The following KASH5 variants were observed in gnomAD, a reference collection of about 807,000 sequenced individuals.
KASH5 encodes KASH domain containing 5, also known as protein KASH5.
KASH5 carries 72 observed loss-of-function variants against 84.2 expected under a neutral mutation model. The observed-to-expected ratio is 0.85, with a 90% CI of 0.71 to 1.04. KASH5 has a LOEUF of 1.04. KASH5 is among the 50% of genes least tolerant of loss of function. The pLI is 0.00. For missense variants in KASH5, 650 were observed against 701.0 expected (o/e 0.93, Z 0.82); for synonymous variants, 260 against 279.1 (o/e 0.93, Z 0.68).
rs1349948567 is a variant in KASH5, at chr19:49,395,897, A to G, written c.400+64A>G. On this transcript the variant is annotated intron_variant, in intron 5 of 19. Coordinates refer to ENST00000447857, the MANE Select transcript of KASH5 (RefSeq NM_144688.5). This position sits in a 1 kb window ranked among gnomAD's most constrained non-coding sequence, Gnocchi z 4.4. ...GGGTCAGACAGTGTGGGGACTTACCACCCAGGGCAGAGCAAGGGATAGGGT... is the reference window on the plus strand; with the variant it reads ...GGGTCAGACAGTGTGGGGACTTACCGCCCAGGGCAGAGCAAGGGATAGGGT... 3 of 1,390,970 alleles carry G rather than the reference A, an allele frequency of 2.2e-6. No homozygotes were observed. The highest frequency in any genetic ancestry group is 2.0e-5 in the Admixed American group (1 of 50,648). 86.2% of individuals were successfully genotyped at this position (1,390,970 alleles called of 1,614,324 possible). A position where few individuals can be genotyped will look rare whatever the true frequency, so the allele number is the denominator to read the frequency against.
Position 49,399,652 on chromosome 19 carries a change from T to C in KASH5, c.798+145T>C. On this transcript the variant is annotated intron_variant, in intron 9 of 19. Transcript: ENST00000447857. The surrounding 1 kb of genome is among the most constrained non-coding windows in gnomAD (Gnocchi z 4.4). Reference sequence around the variant, plus strand: ...TAGTGTGGGAATGTCCCTGAGGTTATATCACACTGTGAGAACAGCCGTGGT... The same window carrying C: ...TAGTGTGGGAATGTCCCTGAGGTTACATCACACTGTGAGAACAGCCGTGGT... The C allele has an allele frequency of 6.6e-7, 1 of 1,508,050 alleles. No homozygotes were observed. The highest frequency in any genetic ancestry group is 8.9e-7 in the Non-Finnish European group (1 of 1,124,838). The allele number at this position is 1,508,050 out of a possible 1,614,324, so 93.4% of individuals were successfully genotyped here.
At position 49,413,032 on chromosome 19, in the gene KASH5, G is replaced by T; in HGVS notation, c.1328+6G>T. ...AGGAAGGAGCCATCCATGTGGTAAGGAGCTGAGCCATCCGTCTGCCTCAGG... is the reference window on the plus strand; with the variant it reads ...AGGAAGGAGCCATCCATGTGGTAAGTAGCTGAGCCATCCGTCTGCCTCAGG... On this transcript the variant is annotated splice_donor_region_variant and intron_variant, in intron 16 of 19. Coordinates refer to ENST00000447857, the MANE Select transcript of KASH5 (RefSeq NM_144688.5). 6.2e-7 allele frequency: 1 copy of T among 1,611,884 alleles called. No individual in the cohort carries two copies.
At chr19:49,397,520 C>A in intron 5 of KASH5, 131 bp from the exon 6 acceptor site, 2 of 779,712 alleles carry the variant, frequency 2.6e-6, no homozygotes, top group African/African-American at 1.7e-5. Context: ...AACTGCAGCC[C>A]CAAAAGCCCA....
In KASH5 at chr19:49,409,734, G is replaced by A. The variant is rs757184832; in HGVS notation, c.1147-19G>A. The A allele has an allele frequency of 3.7e-6, 6 of 1,613,700 alleles. No individual in the cohort carries two copies. In the South Asian group the frequency reaches 6.6e-5, roughly 18 times the overall value. ...CTTAATATGGCTCTCCCTGACCTCG[G>A]AAACAACTTCTGTCCCAGAAACAGG... On this transcript the variant is annotated intron_variant, in intron 14 of 19. Coordinates refer to ENST00000447857, the MANE Select transcript of KASH5 (RefSeq NM_144688.5).
At chr19:49,410,933 T>A (rs1048335305) in intron 15 of KASH5, among the ~76,000 whole-genome samples, 6 of 151,552 alleles carry the variant, frequency 4.0e-5, no homozygotes, top group South Asian at 2.1e-4. Flanking sequence ...TTTTTTTTTT[T>A]AATTAATTAA....
rs1466465557 is a variant in KASH5, at chr19:49,399,547, T to G, written c.798+40T>G. On this transcript the variant is annotated intron_variant, in intron 9 of 19. Coordinates refer to ENST00000447857, the MANE Select transcript of KASH5 (RefSeq NM_144688.5). The surrounding 1 kb of genome is among the most constrained non-coding windows in gnomAD (Gnocchi z 4.4). ...AGCACCACCCCCACCCCTTCCCCAG[T>G]CCTTAAGGTCTTCTTGACACCACTC... The G allele has an allele frequency of 6.3e-7, 1 of 1,579,152 alleles. No homozygotes were observed. The highest frequency in any genetic ancestry group is 2.3e-5 in the East Asian group (1 of 43,306).
At chr19:49,398,456 GCCTCTGGGCTCTAGCGAGCCTCCCA>G (rs1286364417) in intron 7 of KASH5, among the ~76,000 whole-genome samples, 1 of 149,810 alleles carries the variant, frequency 6.7e-6, no homozygotes, top group African/African-American at 2.5e-5. Context: ...TGTACCCTCC[GCCTCTGGGCTCTAGCGAGCCTCCCA>G]CCTCAGCTTC....
Position 49,405,449 on chromosome 19 carries a change from C to G in KASH5, c.799-1437C>G, listed in dbSNP as rs552783904. Among the ~76,000 whole-genome samples the G allele has an allele frequency of 1.1e-3, 149 of 134,494 alleles. 3 individuals carry two copies. The East Asian group carries it at 0.032, about 29-fold the overall frequency. The allele number at this position is 134,494 out of a possible 152,430, so 88.2% of individuals were successfully genotyped here. A position where few individuals can be genotyped will look rare whatever the true frequency, so the allele number is the denominator to read the frequency against. On this transcript the variant is annotated intron_variant, in intron 9 of 19. Coordinates refer to ENST00000447857, the MANE Select transcript of KASH5 (RefSeq NM_144688.5). ...TCCAGCCTGGGCAACAAGAGTGAAA[C>G]TCCTCTCAAAAAAAAAAAAAAAAAA...
In KASH5 at chr19:49,409,229, C is replaced by G; in HGVS notation, c.1092C>G (p.Gly364=). The G allele has an allele frequency of 1.2e-6, 2 of 1,613,986 alleles. No individual in the cohort carries two copies. The highest frequency in any genetic ancestry group is 1.7e-6 in the Non-Finnish European group (2 of 1,179,874). The change falls in exon 14 of 20, where the codon GGC becomes GGG. Residue 364 remains glycine (G), a synonymous_variant. Transcript: ENST00000447857. ...LPEGAQLRRV[G]WTELLPPSLG... ...AAGGGGCCCAGCTGAGAAGAGTGGG[C>G]TGGACCGAGCTGCTACCCCCATCGC...
At chr19:49,389,148 C>G (rs1277410618) in intron 1 of KASH5, among the ~76,000 whole-genome samples, 2 of 104,724 alleles carry the variant, frequency 1.9e-5, no homozygotes, top group Non-Finnish European at 3.5e-5. Flanking sequence ...AAATCAAGAC[C>G]CCCAAAATCC....
rs369559776 is a variant in KASH5, at chr19:49,409,832, G to T, written c.1226G>T (p.Ser409Ile). ...WQWEEVIHET[S>I]EETEFPSEAP... Reference sequence around the variant, plus strand: ...TGGGAGGAAGTCATCCATGAGACCAGTGAGGAAACTGAGTTTCCATCTGAA... The same window carrying T: ...TGGGAGGAAGTCATCCATGAGACCATTGAGGAAACTGAGTTTCCATCTGAA... The change falls in exon 15 of 20, where the codon AGT becomes ATT. Residue 409 changes from serine to isoleucine, a missense_variant. Coordinates refer to ENST00000447857, the MANE Select transcript of KASH5 (RefSeq NM_144688.5). 2.2e-5 allele frequency: 36 copies of T among 1,613,876 alleles called. No homozygotes were observed. Among genetic ancestry groups the T allele is most frequent in the Non-Finnish European group, 3.1e-5 (36 of 1,179,862 alleles).
intron 17 of KASH5, chr19:49,415,262 C>T (rs554565380): frequency 5.4e-6 from 3 of 551,894 alleles, no homozygotes; most frequent in South Asian, 4.0e-5. Flanking sequence ...GCCACCACAC[C>T]GCAGGCCTCA....
At chr19:49,408,762 T>G (rs1040759043) in intron 12 of KASH5, among the ~76,000 whole-genome samples, 5 of 152,218 alleles carry the variant, frequency 3.3e-5, no homozygotes, top group African/African-American at 1.2e-4. Flanking sequence ...GGCCTGTGCT[T>G]TAGCTTCTGG....
chr19:49,391,569 A>G (rs1974005750), intron 2 of KASH5: 1 of 152,208 alleles, frequency 6.6e-6, no homozygotes, highest in South Asian at 2.1e-4. Flanking sequence ...TATAGCCAAT[A>G]TATAGCCAAT....
At chr19:49,403,547 G>A (rs1433647060) in intron 9 of KASH5, among the ~76,000 whole-genome samples, 2 of 152,186 alleles carry the variant, frequency 1.3e-5, no homozygotes, top group Admixed American at 6.5e-5. Context: ...TCAGCCTCTA[G>A]AGTGGCAGGT....
rs758615141 is a variant in KASH5 at position 49,395,284 on chromosome 19, A to G, written c.327A>G (p.Gln109=). Residue 109 remains glutamine (Q), a synonymous_variant, in exon 4 of 20, where the codon CAA becomes CAG. Coordinates refer to ENST00000447857, the MANE Select transcript of KASH5 (RefSeq NM_144688.5). This position sits in a 1 kb window ranked among gnomAD's most constrained non-coding sequence, Gnocchi z 4.4. ...VVMRDWIAAC[Q]LHGGLELEEE... is the part of the protein sequence containing the mutation. ...TGCGTGACTGGATTGCTGCCTGTCA[A>G]CTACATGGGTGAGTCCCCACATCTT... 3 of 1,613,038 alleles carry G rather than the reference A, an allele frequency of 1.9e-6. No individual in the cohort carries two copies. The highest frequency in any genetic ancestry group is 1.1e-5 in the South Asian group (1 of 90,986).
At chr19:49,403,635 C>G (rs947415890) in intron 9 of KASH5, among the ~76,000 whole-genome samples, 2 of 152,246 alleles carry the variant, frequency 1.3e-5, no homozygotes, top group African/African-American at 2.4e-5. Flanking sequence ...AGATTTCCAC[C>G]TTGACTCACT....
At chr19:49,400,038 G>C (rs557621064) in intron 9 of KASH5, among the ~76,000 whole-genome samples, 1 of 151,952 alleles carries the variant, frequency 6.6e-6, no homozygotes, top group African/African-American at 2.4e-5. Context: ...AGACCATCCC[G>C]GGCAACATGG....
Position 49,417,516 on chromosome 19 carries a change from T to C in KASH5, c.*6T>C. 1 of 1,528,458 alleles carries C rather than the reference T, an allele frequency of 6.5e-7. No individual in the cohort carries two copies. The highest frequency in any genetic ancestry group is 8.8e-7 in the Non-Finnish European group (1 of 1,134,252). The allele number at this position is 1,528,458 out of a possible 1,614,324, so 94.7% of individuals were successfully genotyped here. On this transcript the variant is annotated 3_prime_UTR_variant, in exon 20 of 20. Coordinates refer to ENST00000447857, the MANE Select transcript of KASH5 (RefSeq NM_144688.5). This position sits in a 1 kb window ranked among gnomAD's most constrained non-coding sequence, Gnocchi z 5.2. ...TCCAGCCCCCTCCAGTGTGAGAGGC[T>C]CTACTTGCCCCTCAGAGCAGTGTCT...
Sources: allele counts gnomAD v4.1 joint callset (sites outside exome capture counted in the v4.1 genomes callset), GRCh38; gene constraint gnomAD v4.1.1; non-coding constraint Gnocchi (gnomAD v3.1); transcripts MANE v1.5; gene names NCBI Gene and HGNC (gene_info 2026-07-23, HGNC 2026-07-21).